Variants in SEL1L2 observed in about 807,000 individuals in gnomAD.
SEL1L2 encodes the protein SEL1L2 adaptor subunit of SYVN1 ubiquitin ligase.
SEL1L2 carries 89 observed loss-of-function variants against 98.8 expected under a neutral mutation model. The ratio of observed to expected loss-of-function variants is 0.90; its 90% CI spans 0.76 to 1.07. The LOEUF is 1.07. Ranked by LOEUF, SEL1L2 falls within the 50% of genes least tolerant of loss-of-function variation. The pLI is 0.00. For synonymous variants in SEL1L2, 262 were observed against 278.5 expected (o/e 0.94, Z 0.59); for missense variants, 788 against 812.0 (o/e 0.97, Z 0.36).
chr20:13,988,512 T>A (rs2052365543), intron 1 of SEL1L2, among the ~76,000 whole-genome samples: 1 of 152,226 alleles, frequency 6.6e-6, no homozygotes, highest in East Asian at 1.9e-4. Flanking sequence ...CTTGTAAAAC[T>A]CTCAATTCCA....
At chr20:13,956,828 A>G (rs2050563313) in intron 1 of SEL1L2, among the ~76,000 whole-genome samples, 1 of 152,166 alleles carries the variant, frequency 6.6e-6, no homozygotes, top group East Asian at 1.9e-4. Context: ...ACACATCATG[A>G]TGTTTCAACT....
At chr20:13,951,867 A>G (rs1230747547) in intron 2 of SEL1L2, among the ~76,000 whole-genome samples, 2 of 151,838 alleles carry the variant, frequency 1.3e-5, no homozygotes, top group Non-Finnish European at 2.9e-5. Flanking sequence ...TCAACCAACC[A>G]AGCAATCTCC....
At position 13,849,286 on chromosome 20, in the gene SEL1L2, C is replaced by T. The variant is rs1987820681; in HGVS notation, c.*199G>A. On this transcript the variant is annotated 3_prime_UTR_variant, in exon 20 of 20. Transcript: ENST00000284951. ...GTCTTAGGTGACCAGTTCCCAGCAT[C>T]CCGCAAAGGGTTTTCTCTACTAAGC... 31 of 573,806 alleles carry T rather than the reference C, an allele frequency of 5.4e-5. No homozygotes were observed. The South Asian group carries it at 6.1e-4, about 11-fold the overall frequency. The allele number at this position is 573,806 out of a possible 1,614,324, so 35.5% of individuals were successfully genotyped here.
At chr20:13,873,954 G>GA (rs1251442761) in intron 12 of SEL1L2, among the ~76,000 whole-genome samples, 1 of 152,178 alleles carries the variant, frequency 6.6e-6, no homozygotes, top group East Asian at 1.9e-4. Context: ...CAGCAGGAGT[G>GA]AACGCAGGGT....
chr20:13,982,210 A>G (rs1022686715), intron 1 of SEL1L2, among the ~76,000 whole-genome samples: 2 of 152,144 alleles, frequency 1.3e-5, no homozygotes, highest in African/African-American at 2.4e-5. Context: ...AGGAGTTACT[A>G]CTAGAAAGAA....
intron 3 of SEL1L2, among the ~76,000 whole-genome samples, chr20:13,925,951 T>C (rs924147114): frequency 1.4e-4 from 21 of 152,332 alleles, no homozygotes; most frequent in Non-Finnish European, 1.2e-4. Context: ...TAGTAAATAC[T>C]AGGAAAGGCA....
chr20:13,887,814 T>C lies in SEL1L2; in HGVS notation c.700A>G (p.Asn234Asp), dbSNP rs949917198. Reference protein sequence around the residue: ...RYLSGINVLQNCEVALSYYKK... With the variant: ...RYLSGINVLQDCEVALSYYKK... ...TAATAACTTAGGGCAACTTCACAAT[T>C]CTGTAGAACATTGATTCCCGACAAA... Residue 234 changes from asparagine (N) to aspartate (D), a missense_variant, in exon 8 of 20, where the codon AAT becomes GAT. Asn to Asp is a conservative substitution (Grantham distance 23). Transcript: ENST00000284951. 6.2e-7 allele frequency: 1 copy of C among 1,613,474 alleles called. No homozygotes were observed. The highest frequency in any genetic ancestry group is 1.3e-5 in the African/African-American group (1 of 75,032).
In SEL1L2 at chr20:13,907,605, A is replaced by C. The variant is rs140078875; in HGVS notation, c.549+6177T>G. 3.3e-3 allele frequency among the ~76,000 whole-genome samples: 501 copies of C among 152,248 alleles called. 4 individuals are homozygous for C. Among genetic ancestry groups the C allele is most frequent in the Non-Finnish European group, 5.5e-3 (373 of 68,004 alleles). ...AACCCAGAAAATAATTGCCACAAATAGTACCACACTTAGAGATCACCACCA... is the reference window on the plus strand; with the variant it reads ...AACCCAGAAAATAATTGCCACAAATCGTACCACACTTAGAGATCACCACCA... On this transcript the variant is annotated intron_variant, in intron 5 of 19. Transcript: ENST00000284951.
At chr20:13,932,087 A>G (rs1245613890) in intron 2 of SEL1L2, among the ~76,000 whole-genome samples, 4 of 152,190 alleles carry the variant, frequency 2.6e-5, no homozygotes, top group African/African-American at 9.7e-5. Context: ...TTGTCATGGT[A>G]ATGTCAATCG....
intron 5 of SEL1L2, among the ~76,000 whole-genome samples, chr20:13,889,256 G>T (rs949590333): frequency 6.6e-6 from 1 of 151,980 alleles, no homozygotes; most frequent in African/African-American, 2.4e-5. Flanking sequence ...AAAGTGCTGG[G>T]ATTACAGGCG....
chr20:13,926,159 A>G (rs2048888868), intron 3 of SEL1L2, among the ~76,000 whole-genome samples: 1 of 152,192 alleles, frequency 6.6e-6, no homozygotes, highest in Non-Finnish European at 1.5e-5. Context: ...TCCTAAAAAT[A>G]CAAAAAATTA....
chr20:13,922,345 C>T (rs1003427246), intron 3 of SEL1L2, among the ~76,000 whole-genome samples: 1 of 152,242 alleles, frequency 6.6e-6, no homozygotes, highest in Non-Finnish European at 1.5e-5. Context: ...CTTATTCAAG[C>T]GTATTTGAGT....
chr20:13,939,673 T>A (rs200089906), intron 2 of SEL1L2, among the ~76,000 whole-genome samples: 1 of 17,576 alleles, frequency 5.7e-5, no homozygotes, highest in South Asian at 5.2e-3. Context: ...TTCTTTTTTT[T>A]TTTTTTTTTT....
At chr20:13,883,456 G>A (rs556304437) in intron 10 of SEL1L2, among the ~76,000 whole-genome samples, 1 of 152,352 alleles carries the variant, frequency 6.6e-6, no homozygotes, top group Non-Finnish European at 1.5e-5. Context: ...GAAGGCCTGA[G>A]TTCAAATTCT....
At chr20:13,857,634 G>T (rs1989373344) in intron 18 of SEL1L2, among the ~76,000 whole-genome samples, 1 of 152,212 alleles carries the variant, frequency 6.6e-6, no homozygotes, top group Non-Finnish European at 1.5e-5. Flanking sequence ...GTGGTGCCAA[G>T]GATAGGAAAG....
At chr20:13,859,226 T>A in intron 18 of SEL1L2, 36 bp downstream of exon 18, 6 of 1,575,556 alleles carry the variant, frequency 3.8e-6, no homozygotes, top group Non-Finnish European at 4.4e-6. Flanking sequence ...CACACAGCTG[T>A]CATTACTAGG....
rs1473947725 is a variant in SEL1L2, at chr20:13,850,172, C to G, written c.1947+19G>C. On this transcript the variant is annotated intron_variant, in intron 19 of 19. Coordinates refer to ENST00000284951, the MANE Select transcript of SEL1L2 (RefSeq NM_025229.2). ...CTGGAGACTTTCAGAGATTCAGGAC[C>G]TGTTCAAGACAAACTTACATTAAAA... 1 of 1,613,210 alleles carries G rather than the reference C, an allele frequency of 6.2e-7. No individual in the cohort carries two copies. The highest frequency in any genetic ancestry group is 2.2e-5 in the East Asian group (1 of 44,828).
intron 10 of SEL1L2, among the ~76,000 whole-genome samples, chr20:13,879,250 C>A (rs761713964): frequency 6.6e-6 from 1 of 152,046 alleles, no homozygotes; most frequent in Non-Finnish European, 1.5e-5. Context: ...ATTACTTCGG[C>A]GTGGCTGAAA....
chr20:13,915,919 G>C (rs567545962), intron 4 of SEL1L2, among the ~76,000 whole-genome samples: 7 of 152,270 alleles, frequency 4.6e-5, no homozygotes, highest in African/African-American at 1.4e-4. Context: ...TGATGGGGGA[G>C]GAAGGGCTCA....
Sources: allele counts gnomAD v4.1 joint callset (sites outside exome capture counted in the v4.1 genomes callset), GRCh38; gene constraint gnomAD v4.1.1; transcripts MANE v1.5; gene names NCBI Gene and HGNC (gene_info 2026-07-23, HGNC 2026-07-21).